The following HS2ST1 variants were observed in gnomAD, a reference collection of about 807,000 sequenced individuals.
HS2ST1 encodes heparan sulfate 2-O-sulfotransferase 1, also known as 2-O-sulfotransferase.
In HS2ST1, 18 loss-of-function variants were observed where a neutral mutation model predicts 42.9. That is an observed-to-expected ratio of 0.42 (90% CI 0.29 to 0.62). The LOEUF (loss-of-function observed/expected upper bound fraction) is 0.62. Among genes scored for constraint, HS2ST1 ranks in the 20% least tolerant of loss-of-function variants. The pLI is 0.21. For synonymous variants in HS2ST1, 146 were observed against 152.9 expected (o/e 0.95, Z 0.33); for missense variants, 334 against 433.8 (o/e 0.77, Z 2.04).
intron 1 of HS2ST1, among the ~76,000 whole-genome samples, chr1:86,950,125 C>A (rs1741974): frequency 0.24 from 36,125 of 151,994 alleles, 5,020 homozygotes; most frequent in African/African-American, 0.38. Flanking sequence ...TAACTTAATG[C>A]TCTAACTTAA....
intron 1 of HS2ST1, among the ~76,000 whole-genome samples, chr1:86,976,849 C>T (rs1202262039): frequency 6.6e-6 from 1 of 150,968 alleles, no homozygotes; most frequent in African/African-American, 2.4e-5. Flanking sequence ...GGCCAGAGGA[C>T]CCCTTGAGGC....
At chr1:86,961,902 A>G (rs1647855889) in intron 1 of HS2ST1, among the ~76,000 whole-genome samples, 1 of 152,156 alleles carries the variant, frequency 6.6e-6, no homozygotes, top group South Asian at 2.1e-4. Flanking sequence ...CGTTTAACAT[A>G]ATGGTCTCAA....
At chr1:87,003,307 G>C (rs1448530095) in intron 1 of HS2ST1, among the ~76,000 whole-genome samples, 3 of 152,062 alleles carry the variant, frequency 2.0e-5, no homozygotes, top group Non-Finnish European at 1.5e-5. Flanking sequence ...ATAGAATAAT[G>C]TTTACACATT....
intron 1 of HS2ST1, among the ~76,000 whole-genome samples, chr1:86,971,442 G>A (rs1238422262): frequency 1.3e-5 from 2 of 151,950 alleles, no homozygotes; most frequent in African/African-American, 4.8e-5. Context: ...TTTGTTTTAA[G>A]CCAAAAAACC....
chr1:86,952,044 C>G (rs573763547), intron 1 of HS2ST1, among the ~76,000 whole-genome samples: 1 of 152,208 alleles, frequency 6.6e-6, no homozygotes, highest in Non-Finnish European at 1.5e-5. Context: ...AGTCTTGAAC[C>G]CCACAAAGTC....
In HS2ST1 at chr1:87,074,800, C is replaced by T. The variant is rs952695258; in HGVS notation, c.363+1628C>T. On this transcript the variant is annotated intron_variant, in intron 2 of 6. Coordinates refer to ENST00000370550, the MANE Select transcript of HS2ST1 (RefSeq NM_012262.4). ...GTGTGGGGCAGCGCAGAAGAATAGT[C>T]TTAATCATTAGCTGACATACTTCAA... Among the ~76,000 whole-genome samples, 16 of 152,286 alleles carry T rather than the reference C, an allele frequency of 1.1e-4. No homozygotes were observed. In the East Asian group the frequency reaches 3.1e-3, roughly 29 times the overall value.
chr1:86,935,897 C>T (rs1404576027), intron 1 of HS2ST1, among the ~76,000 whole-genome samples: 1 of 152,084 alleles, frequency 6.6e-6, no homozygotes, highest in African/African-American at 2.4e-5. Flanking sequence ...CATGTGTATC[C>T]TTCACCCAGT....
intron 1 of HS2ST1, among the ~76,000 whole-genome samples, chr1:87,001,055 A>T (rs539388961): frequency 6.6e-6 from 1 of 152,328 alleles, no homozygotes; most frequent in African/African-American, 2.4e-5. Flanking sequence ...ATACAAGTGG[A>T]TATAACCCTG....
At chr1:86,924,539 T>C (rs1010100721) in intron 1 of HS2ST1, among the ~76,000 whole-genome samples, 1 of 152,168 alleles carries the variant, frequency 6.6e-6, no homozygotes, top group Non-Finnish European at 1.5e-5. Flanking sequence ...GGTGTTTCCA[T>C]ACATCTTCTG....
At chr1:86,964,789 C>T (rs945125365) in intron 1 of HS2ST1, among the ~76,000 whole-genome samples, 3 of 152,148 alleles carry the variant, frequency 2.0e-5, no homozygotes, top group Admixed American at 2.0e-4. Context: ...GATTCAGTGC[C>T]AATCTGAGTT....
chr1:87,030,704 G>A (rs948013815), intron 1 of HS2ST1, among the ~76,000 whole-genome samples: 1 of 151,972 alleles, frequency 6.6e-6, no homozygotes, highest in East Asian at 1.9e-4. Context: ...TCTAAGTTTA[G>A]CCATATAATG....
chr1:86,930,842 G>A (rs980087105), intron 1 of HS2ST1, among the ~76,000 whole-genome samples: 3 of 151,978 alleles, frequency 2.0e-5, no homozygotes, highest in Non-Finnish European at 4.4e-5. Context: ...GGTGCTTGTA[G>A]TAATGTTGGC....
At chr1:86,996,623 A>G (rs1332484695) in intron 1 of HS2ST1, among the ~76,000 whole-genome samples, 2 of 152,120 alleles carry the variant, frequency 1.3e-5, no homozygotes, top group Non-Finnish European at 2.9e-5. Flanking sequence ...GTGAACCCCT[A>G]CAATTACATT....
rs1407008281 is a variant in HS2ST1, at chr1:87,107,816, A to G, written c.*3120A>G. 2 of 152,060 alleles carry G rather than the reference A, an allele frequency of 1.3e-5. No homozygotes were observed. The highest frequency in any genetic ancestry group is 2.4e-5 in the African/African-American group (1 of 41,436). 9.4% of individuals were successfully genotyped at this position (152,060 alleles called of 1,614,324 possible). A position where few individuals can be genotyped will look rare whatever the true frequency, so the allele number is the denominator to read the frequency against. The stretch of plus-strand genomic sequence containing the variant: ...TTTGATTTTACCCAGCTTAATCTGT[A>G]AAGTAGCACTTAAATATATCTGATA... On this transcript the variant is annotated 3_prime_UTR_variant, in exon 7 of 7. Coordinates refer to ENST00000370550, the MANE Select transcript of HS2ST1 (RefSeq NM_012262.4).
Position 86,914,776 on chromosome 1 carries a change from T to C in HS2ST1, c.-261T>C. On this transcript the variant is annotated 5_prime_UTR_variant, in exon 1 of 7. Coordinates refer to ENST00000370550, the MANE Select transcript of HS2ST1 (RefSeq NM_012262.4). ...GGGAGGCGAGAGCCCGGCAGCCGCT[T>C]CGCGCTGTTTGCTGCGCGGGCTTTT... 1 of 513,920 alleles carries C rather than the reference T, an allele frequency of 1.9e-6. No homozygotes were observed. Among genetic ancestry groups the C allele is most frequent in the South Asian group, 2.2e-5 (1 of 45,994 alleles). 31.8% of individuals were successfully genotyped at this position (513,920 alleles called of 1,614,324 possible).
intron 1 of HS2ST1, among the ~76,000 whole-genome samples, chr1:87,051,188 C>G (rs1448317776): frequency 3.3e-5 from 5 of 151,844 alleles, no homozygotes; most frequent in African/African-American, 1.2e-4. Context: ...TTATGCTCTC[C>G]TCCCCCAAAA....
Position 86,915,136 on chromosome 1 carries a change from C to G in HS2ST1, c.100C>G (p.Leu34Val). Residue 34 changes from leucine (L) to valine (V), a missense_variant, in exon 1 of 7, where the codon CTG becomes GTG. Leu to Val is a conservative substitution (Grantham distance 32, BLOSUM62 1). Transcript: ENST00000370550. ...MLFLENQIQK[L>V]EESRSKLERA... ...CTTCTTGGAAAACCAGATCCAGAAACTGGAGGAGTCCCGCTCGAAGCTAGG... is the reference window on the plus strand; with the variant it reads ...CTTCTTGGAAAACCAGATCCAGAAAGTGGAGGAGTCCCGCTCGAAGCTAGG... The G allele has an allele frequency of 6.2e-7, 1 of 1,613,992 alleles. No individual in the cohort carries two copies. Among genetic ancestry groups the G allele is most frequent in the Middle Eastern group, 1.7e-4 (1 of 6,058 alleles).
intron 1 of HS2ST1, among the ~76,000 whole-genome samples, chr1:87,043,331 T>C (rs1650567347): frequency 6.6e-6 from 1 of 152,110 alleles, no homozygotes; most frequent in South Asian, 2.1e-4. Context: ...ATTAAACTTT[T>C]AAGATTAACA....
intron 1 of HS2ST1, chr1:87,046,106 A>G: frequency 1.5e-6 from 1 of 677,346 alleles, no homozygotes; most frequent in Non-Finnish European, 2.8e-6. Flanking sequence ...CATATTTTTG[A>G]CAGTTTATAT....
Sources: gnomAD v4.1 joint callset for allele counts (sites outside exome capture counted in the v4.1 genomes callset) on GRCh38, gnomAD v4.1.1 for gene constraint, MANE v1.5 for transcripts, NCBI Gene and HGNC (gene_info 2026-07-23, HGNC 2026-07-21) for gene names.